FAM135B: variants seen among roughly 807,000 people sequenced by gnomAD.
FAM135B encodes the protein protein FAM135B.
FAM135B carries 43 observed loss-of-function variants against 127.7 expected under a neutral mutation model. The observed-to-expected ratio is 0.34, with a 90% CI of 0.26 to 0.43. The LOEUF is 0.43. Ranked by LOEUF, FAM135B falls within the 20% of genes least tolerant of loss-of-function variation. FAM135B has a pLI of 1.00. For synonymous variants in FAM135B, 670 were observed against 665.1 expected, an observed-to-expected ratio of 1.01 and a Z score of -0.11; for missense variants, 1,558 against 1,725.6, an observed-to-expected ratio of 0.90 and a Z score of 1.72.
intron 7 of FAM135B, among the ~76,000 whole-genome samples, chr8:138,222,294 A>G (rs542975153): frequency 3.9e-5 from 6 of 152,288 alleles, no homozygotes; most frequent in Admixed American, 6.5e-5. Context: ...AGGGGGTTGA[A>G]TGGCAATCGC....
At chr8:138,474,249 T>C (rs1169447952) in intron 1 of FAM135B, among the ~76,000 whole-genome samples, 3 of 152,134 alleles carry the variant, frequency 2.0e-5, no homozygotes, top group Non-Finnish European at 4.4e-5. Flanking sequence ...AGTAAGGACG[T>C]TGAGGCCAGA....
rs376925663 is a variant in FAM135B at position 138,353,928 on chromosome 8, C to T, written c.77+13979G>A. On this transcript the variant is annotated intron_variant, in intron 2 of 19. Coordinates refer to ENST00000395297, the MANE Select transcript of FAM135B (RefSeq NM_015912.4). ...GACCTATAAACTCACATCAACTCCT[C>T]TTGCTGCTTGATCCTCTTCTCCTTC... 9.9e-5 allele frequency among the ~76,000 whole-genome samples: 15 copies of T among 152,226 alleles called. No homozygotes were observed. The East Asian group carries it at 2.5e-3, about 26-fold the overall frequency.
chr8:138,373,004 A>G (rs1400394296), intron 1 of FAM135B, among the ~76,000 whole-genome samples: 2 of 152,202 alleles, frequency 1.3e-5, no homozygotes, highest in African/African-American at 4.8e-5. Flanking sequence ...CCCCTTGTCC[A>G]CAAGGTTCTA....
chr8:138,451,021 C>T (rs772330212), intron 1 of FAM135B, among the ~76,000 whole-genome samples: 1 of 152,124 alleles, frequency 6.6e-6, no homozygotes, highest in South Asian at 2.1e-4. Flanking sequence ...GTGCTGTGAT[C>T]CAAATCCAGG....
chr8:138,331,871 T>A (rs1828205474), intron 2 of FAM135B, among the ~76,000 whole-genome samples: 1 of 152,208 alleles, frequency 6.6e-6, no homozygotes, highest in Non-Finnish European at 1.5e-5. Flanking sequence ...GTGTCCATGA[T>A]GGGCTGCTCT....
chr8:138,202,937 C>T (rs1013330299), intron 7 of FAM135B, among the ~76,000 whole-genome samples: 5 of 152,084 alleles, frequency 3.3e-5, no homozygotes, highest in Admixed American at 6.5e-5. Flanking sequence ...ACCTCACTCA[C>T]GGATGGCTCC....
rs1274003635 is a variant in FAM135B, at chr8:138,310,838, C to T, written c.157+3G>A. ...AGTGCCCCATTGCCATTCTTCTGCTCACCTGTCTGCCCAGCGATGGAGGCA... is the reference window on the plus strand; with the variant it reads ...AGTGCCCCATTGCCATTCTTCTGCTTACCTGTCTGCCCAGCGATGGAGGCA... On this transcript the variant is annotated splice_donor_region_variant and intron_variant, in intron 3 of 19. Transcript: ENST00000395297. The T allele has an allele frequency of 2.5e-6, 4 of 1,613,584 alleles. No homozygotes were observed. The highest frequency in any genetic ancestry group is 3.3e-5 in the Admixed American group (2 of 59,934).
chr8:138,150,881 T>C (rs1818082047), intron 13 of FAM135B, among the ~76,000 whole-genome samples: 2 of 152,060 alleles, frequency 1.3e-5, no homozygotes, highest in Non-Finnish European at 2.9e-5. Flanking sequence ...TTGTACAGAA[T>C]GGTCTAATTT....
At chr8:138,190,194 C>A (rs1815981542) in intron 9 of FAM135B, among the ~76,000 whole-genome samples, 1 of 152,170 alleles carries the variant, frequency 6.6e-6, no homozygotes, top group Admixed American at 6.5e-5. Context: ...GCCAATTACA[C>A]CTGCAATGGC....
intron 1 of FAM135B, among the ~76,000 whole-genome samples, chr8:138,424,125 A>C (rs1834698102): frequency 6.6e-6 from 1 of 152,080 alleles, no homozygotes; most frequent in African/African-American, 2.4e-5. Context: ...AGTTAACGCA[A>C]TCATCACAGG....
Position 138,255,102 on chromosome 8 carries a change from G to A in FAM135B, c.368+1587C>T, listed in dbSNP as rs928677182. On this transcript the variant is annotated intron_variant, in intron 5 of 19. Coordinates refer to ENST00000395297, the MANE Select transcript of FAM135B (RefSeq NM_015912.4). ...TGGAGTGCAGTGGTACAATCAGGAC[G>A]CACTGTAACCTTGAACTCCTGGGCT... Among the ~76,000 whole-genome samples, 17 of 146,168 alleles carry A rather than the reference G, an allele frequency of 1.2e-4. 1 individual carries two copies. Among genetic ancestry groups the A allele is most frequent in the Admixed American group, 3.5e-4 (5 of 14,156 alleles).
intron 5 of FAM135B, among the ~76,000 whole-genome samples, chr8:138,253,717 C>T (rs1230818516): frequency 3.3e-5 from 5 of 152,084 alleles, no homozygotes; most frequent in East Asian, 1.9e-4. Flanking sequence ...CATTGAGAGC[C>T]GCCAGACAAG....
Position 138,150,381 on chromosome 8 carries a change from C to A in FAM135B, c.3281+813G>T, listed in dbSNP as rs370716425. ...TATAATATTCGTAATAAAAATTGAA[C>A]AAAATTGGCGGGGTACTGTGGCTCA... On this transcript the variant is annotated intron_variant, in intron 13 of 19. Transcript: ENST00000395297. Among the ~76,000 whole-genome samples, 33 of 152,224 alleles carry A rather than the reference C, an allele frequency of 2.2e-4. No homozygotes were observed. In the East Asian group the frequency reaches 3.5e-3, roughly 16 times the overall value.
intron 2 of FAM135B, among the ~76,000 whole-genome samples, chr8:138,353,080 C>A (rs1829877744): frequency 1.3e-5 from 2 of 152,182 alleles, no homozygotes; most frequent in African/African-American, 4.8e-5. Flanking sequence ...CCGATCACAT[C>A]ACTCCCCTAC....
At chr8:138,465,886 T>C (rs565336193) in intron 1 of FAM135B, among the ~76,000 whole-genome samples, 2 of 152,222 alleles carry the variant, frequency 1.3e-5, no homozygotes, top group South Asian at 2.1e-4. Flanking sequence ...TTCAAGCGAA[T>C]ATACTGCCTC....
At chr8:138,482,692 T>G (rs1197331610) in intron 1 of FAM135B, among the ~76,000 whole-genome samples, 1 of 152,168 alleles carries the variant, frequency 6.6e-6, no homozygotes, top group Non-Finnish European at 1.5e-5. Flanking sequence ...AGACATATTG[T>G]TCTTGCATTG....
In FAM135B at chr8:138,403,413, G is replaced by T. The variant is rs368885226; in HGVS notation, c.-19-35411C>A. Among the ~76,000 whole-genome samples, 8 of 152,198 alleles carry T rather than the reference G, an allele frequency of 5.3e-5. No homozygotes were observed. The East Asian group carries it at 5.8e-4, about 11-fold the overall frequency. On this transcript the variant is annotated intron_variant, in intron 1 of 19. Transcript: ENST00000395297. ...TATCCAAGTCAAGTCTATTGGGAGG[G>T]TTCATTCAAACAGGTCACCAAATTG...
chr8:138,452,294 T>C (rs1401653494), intron 1 of FAM135B, among the ~76,000 whole-genome samples: 1 of 151,936 alleles, frequency 6.6e-6, no homozygotes, highest in African/African-American at 2.4e-5. Flanking sequence ...CTAATTTTTA[T>C]AGTTTTAGTA....
chr8:138,146,276 G>A (rs1027925372), intron 14 of FAM135B, among the ~76,000 whole-genome samples: 5 of 152,022 alleles, frequency 3.3e-5, no homozygotes, highest in Admixed American at 1.3e-4. Flanking sequence ...GTCCCACCTC[G>A]ATAGAGTTAT....
Sources: allele counts gnomAD v4.1 joint callset (sites outside exome capture counted in the v4.1 genomes callset), GRCh38; gene constraint gnomAD v4.1.1; transcripts MANE v1.5; gene names NCBI Gene and HGNC (gene_info 2026-07-23, HGNC 2026-07-21).